The following CAMSAP1 variants were observed in gnomAD, a reference collection of about 807,000 sequenced individuals.
CAMSAP1 encodes the protein calmodulin regulated spectrin associated protein 1.
Under a neutral mutation model 143.5 loss-of-function variants are expected in CAMSAP1, and 58 were observed. The observed-to-expected ratio is 0.40, with a 90% CI of 0.33 to 0.50. The LOEUF is 0.50. Among genes scored for constraint, CAMSAP1 ranks in the 20% least tolerant of loss-of-function variants. CAMSAP1 has a pLI of 0.45. For missense variants in CAMSAP1, 1,969 were observed against 2,115.7 expected (o/e 0.93, Z 1.36); for synonymous variants, 945 against 859.3 (o/e 1.10, Z -1.74).
chr9:135,811,731 G>T lies in CAMSAP1; in HGVS notation c.4507-120C>A. 1.1e-6 allele frequency: 1 copy of T among 874,148 alleles called. No individual in the cohort carries two copies. Among genetic ancestry groups the T allele is most frequent in the Non-Finnish European group, 1.8e-6 (1 of 568,946 alleles). 54.1% of individuals were successfully genotyped at this position (874,148 alleles called of 1,614,324 possible). A position where few individuals can be genotyped will look rare whatever the true frequency, so the allele number is the denominator to read the frequency against. ...CCGTGGGAAGCTCTCCCACCCGTCA[G>T]CTACGGCCTGCCTGTTGTAAACAAT... On this transcript the variant is annotated intron_variant, in intron 16 of 16. Transcript: ENST00000389532. This position sits in a 1 kb window ranked among gnomAD's most constrained non-coding sequence, Gnocchi z 4.9.
At chr9:135,878,889 T>C (rs1030460078) in intron 3 of CAMSAP1, among the ~76,000 whole-genome samples, 1 of 152,014 alleles carries the variant, frequency 6.6e-6, no homozygotes, top group Non-Finnish European at 1.5e-5. Context: ...CAGTAAAATA[T>C]GGAAAACACT....
intron 7 of CAMSAP1, among the ~76,000 whole-genome samples, chr9:135,848,825 T>A (rs552977103): frequency 6.6e-6 from 1 of 152,294 alleles, no homozygotes; most frequent in Non-Finnish European, 1.5e-5. Context: ...AGTACCAAGT[T>A]TCCCTGAGGA....
intron 8 of CAMSAP1, 146 bp downstream of exon 8, chr9:135,827,261 A>G: frequency 1.3e-6 from 1 of 797,584 alleles, no homozygotes; most frequent in Non-Finnish European, 1.8e-6. Flanking sequence ...CCGAATGGCC[A>G]GAAGGGCAGG....
chr9:135,818,404 T>A lies in CAMSAP1; in HGVS notation c.4168+4A>T. 1.3e-6 allele frequency: 2 copies of A among 1,572,052 alleles called. No homozygotes were observed. The highest frequency in any genetic ancestry group is 1.7e-6 in the Non-Finnish European group (2 of 1,164,884). On this transcript the variant is annotated splice_donor_region_variant and intron_variant, in intron 13 of 16. Transcript: ENST00000389532. The surrounding 1 kb of genome is among the most constrained non-coding windows in gnomAD (Gnocchi z 7.7). The stretch of plus-strand genomic sequence containing the variant: ...CTGCCCGCGTGAGGGCCGGGGCTGC[T>A]TACGGGTGGAGGAGCACTTGGTGCC...
chr9:135,819,243 A>G (rs978123242), intron 11 of CAMSAP1, 97 bp from the exon 12 acceptor site: 1 of 1,424,514 alleles, frequency 7.0e-7, no homozygotes, highest in Non-Finnish European at 9.3e-7. Context: ...TACGCTTTTA[A>G]AAGTTTAACG....
intron 3 of CAMSAP1, among the ~76,000 whole-genome samples, chr9:135,875,694 A>T (rs541359135): frequency 9.2e-5 from 14 of 152,338 alleles, no homozygotes; most frequent in African/African-American, 3.4e-4. Context: ...AGGAAAGGAA[A>T]ATCTCTTCCA....
chr9:135,891,642 C>T (rs980188547), intron 1 of CAMSAP1, among the ~76,000 whole-genome samples: 22 of 152,072 alleles, frequency 1.4e-4, no homozygotes, highest in African/African-American at 5.3e-4. Context: ...TTCACAGAGC[C>T]CAATGTTCAC....
chr9:135,906,829 G>A (rs1357436413), intron 1 of CAMSAP1, among the ~76,000 whole-genome samples, 171 bp downstream of exon 1: 19 of 151,786 alleles, frequency 1.3e-4, no homozygotes, highest in Admixed American at 5.9e-4. Flanking sequence ...CCCACGCTCC[G>A]CGTTGCCCGG....
intron 5 of CAMSAP1, among the ~76,000 whole-genome samples, chr9:135,854,475 T>TC (rs1836883738): frequency 6.7e-6 from 1 of 149,684 alleles, no homozygotes; most frequent in Non-Finnish European, 1.5e-5. Flanking sequence ...TGCCAAAACT[T>TC]TTTTTTTTTT....
chr9:135,843,687 C>A (rs112395698), intron 7 of CAMSAP1, among the ~76,000 whole-genome samples: 1 of 151,578 alleles, frequency 6.6e-6, no homozygotes, highest in Non-Finnish European at 1.5e-5. Context: ...CTGGCTAACA[C>A]GCTGAAACCC....
intron 3 of CAMSAP1, among the ~76,000 whole-genome samples, chr9:135,879,119 CTG>C (rs1398837640): frequency 1.3e-5 from 2 of 152,122 alleles, no homozygotes; most frequent in African/African-American, 4.8e-5. Context: ...GCCATGGAAA[CTG>C]TAATCACTGT....
At chr9:135,827,265 G>A (rs1451794433) in intron 8 of CAMSAP1, 142 bp downstream of exon 8, 3 of 832,322 alleles carry the variant, frequency 3.6e-6, no homozygotes, top group African/African-American at 3.4e-5. Flanking sequence ...ATGGCCAGAA[G>A]GGCAGGGACA....
chr9:135,813,541 G>A (rs1007749830), intron 16 of CAMSAP1, among the ~76,000 whole-genome samples: 2 of 152,252 alleles, frequency 1.3e-5, no homozygotes, highest in Admixed American at 6.5e-5. Context: ...ACTGTGGGGA[G>A]TGGGGTTCAT....
Position 135,867,773 on chromosome 9 carries a change from A to C in CAMSAP1, c.586-1237T>G, listed in dbSNP as rs140360630. 2.7e-3 allele frequency among the ~76,000 whole-genome samples: 417 copies of C among 152,402 alleles called. 2 individuals are homozygous for C. Among genetic ancestry groups the C allele is most frequent in the Middle Eastern group, 0.014 (4 of 294 alleles). On this transcript the variant is annotated intron_variant, in intron 3 of 16. Transcript: ENST00000389532. The stretch of plus-strand genomic sequence containing the variant: ...TACAGAAAAGATAATTTAAAAGCTG[A>C]AAATCCACAGGACAAACAAGGCAAG...
chr9:135,872,674 G>A (rs1444853354), intron 3 of CAMSAP1, among the ~76,000 whole-genome samples: 2 of 152,172 alleles, frequency 1.3e-5, no homozygotes, highest in East Asian at 1.9e-4. Context: ...AACATACACC[G>A]TGCAGCCACT....
At chr9:135,902,558 C>T (rs942165605) in intron 1 of CAMSAP1, among the ~76,000 whole-genome samples, 1 of 152,140 alleles carries the variant, frequency 6.6e-6, no homozygotes, top group Non-Finnish European at 1.5e-5. Flanking sequence ...AATATGGCGA[C>T]CCTCTGGAGT....
intron 1 of CAMSAP1, among the ~76,000 whole-genome samples, chr9:135,902,160 A>G (rs892473220): frequency 6.6e-6 from 1 of 152,208 alleles, no homozygotes; most frequent in Non-Finnish European, 1.5e-5. Context: ...AGTATTTAGT[A>G]CCACCTAACA....
chr9:135,889,216 G>A (rs189110943), intron 1 of CAMSAP1, among the ~76,000 whole-genome samples: 1 of 152,316 alleles, frequency 6.6e-6, no homozygotes, highest in East Asian at 1.9e-4. Context: ...GCCCCCAGGA[G>A]CAGGTCAGGG....
chr9:135,848,556 T>C (rs533441427), intron 7 of CAMSAP1, among the ~76,000 whole-genome samples: 33 of 150,032 alleles, frequency 2.2e-4, no homozygotes, highest in South Asian at 1.2e-3. Flanking sequence ...TGCACACACA[T>C]ACACACCCCC....
Sources: gnomAD v4.1 joint callset for allele counts (sites outside exome capture counted in the v4.1 genomes callset) on GRCh38, gnomAD v4.1.1 for gene constraint, Gnocchi (gnomAD v3.1) non-coding constraint, MANE v1.5 for transcripts, NCBI Gene and HGNC (gene_info 2026-07-23, HGNC 2026-07-21) for gene names.